The following SNRPN variants were observed in gnomAD, a reference collection of about 807,000 sequenced individuals.
SNRPN encodes the protein small nuclear ribonucleoprotein polypeptide N.
Under a neutral mutation model 25.2 loss-of-function variants are expected in SNRPN, and 7 were observed. The ratio of observed to expected loss-of-function variants is 0.28; its 90% CI spans 0.16 to 0.52. The LOEUF is 0.52. Among genes scored for constraint, SNRPN ranks in the 20% least tolerant of loss-of-function variants. The probability of loss-of-function intolerance (pLI) is 0.96; values close to 1 mark genes in which losing one functional copy is unlikely to be tolerated. For synonymous variants in SNRPN, 124 were observed against 110.6 expected (o/e 1.12, Z -0.76); for missense variants, 196 against 322.5 (o/e 0.61, Z 3.00).
In SNRPN at chr15:24,974,684, G is replaced by T. The variant is rs759273374; in HGVS notation, c.3+228G>T. ...CTCCCAGTCTGGAGTGCAGTGGTGC[G>T]GTCTTGGCTCACTGCAACCCTGGGT... is the stretch of plus-strand genomic sequence containing the variant. On this transcript the variant is annotated intron_variant, in intron 4 of 9. Transcript: ENST00000390687. The T allele has an allele frequency of 3.7e-5, 23 of 617,058 alleles. No individual in the cohort carries two copies. The African/African-American group carries it at 3.9e-4, about 10-fold the overall frequency. 38.2% of individuals were successfully genotyped at this position (617,058 alleles called of 1,614,324 possible).
intron 2 of SNRPN, chr15:24,909,237 G>A (rs1289454718): frequency 2.5e-6 from 4 of 1,571,316 alleles, no homozygotes; most frequent in South Asian, 1.1e-5. Flanking sequence ...ATGTGCTTCC[G>A]GTGTACTTCT....
chr15:24,907,933 A>G (rs746199466), intron 2 of SNRPN, among the ~76,000 whole-genome samples: 10 of 149,996 alleles, frequency 6.7e-5, no homozygotes, highest in Admixed American at 1.3e-4. Context: ...GGCACCTGTA[A>G]TGCCAGCTAC....
At chr15:24,950,902 C>A (rs1450091115), upstream of SNRPN, among the ~76,000 whole-genome samples, 1 of 150,916 alleles carries the variant, frequency 6.6e-6, no homozygotes, top group African/African-American at 2.4e-5. Flanking sequence ...TGCTCTGTCG[C>A]CCAGGCTGGA....
At position 24,966,349 on chromosome 15, in the gene SNRPN, A is replaced by T. The variant is rs565781034; in HGVS notation, c.-294-1583A>T. Among the ~76,000 whole-genome samples the T allele has an allele frequency of 7.9e-5, 12 of 152,268 alleles. No individual in the cohort carries two copies. In the South Asian group the frequency reaches 2.5e-3, roughly 32 times the overall value. ...CAAAATCTGGGCAGGTCCCACACAAATCTTCCCTGTCCTCAGGATGCATTA... is the reference window on the plus strand; with the variant it reads ...CAAAATCTGGGCAGGTCCCACACAATTCTTCCCTGTCCTCAGGATGCATTA... On this transcript the variant is annotated intron_variant, in intron 2 of 9. Transcript: ENST00000390687.
intron 2 of SNRPN, among the ~76,000 whole-genome samples, chr15:24,899,677 C>T (rs2058327134): frequency 6.6e-6 from 1 of 152,180 alleles, no homozygotes; most frequent in Non-Finnish European, 1.5e-5. Flanking sequence ...GTAGTGCTTC[C>T]AATAATATAC....
At chr15:24,906,878 G>T (rs894570025) in intron 2 of SNRPN, among the ~76,000 whole-genome samples, 17 of 152,032 alleles carry the variant, frequency 1.1e-4, no homozygotes, top group African/African-American at 4.1e-4. Context: ...AGTTGATTTT[G>T]CAGGATCTGC....
At chr15:24,838,106 C>G (rs903785020) in intron 2 of SNRPN, among the ~76,000 whole-genome samples, 1 of 151,104 alleles carries the variant, frequency 6.6e-6, no homozygotes, top group Middle Eastern at 3.4e-3. Flanking sequence ...CCAATCTCGG[C>G]TCGCTGCAAG....
chr15:24,852,696 T>G (rs1415556816), upstream of SNRPN, among the ~76,000 whole-genome samples: 1 of 152,192 alleles, frequency 6.6e-6, no homozygotes, highest in Non-Finnish European at 1.5e-5. Context: ...GTGGGCAGAT[T>G]AATTGAATCC....
At chr15:24,916,444 C>G (rs1202841651) in intron 2 of SNRPN, among the ~76,000 whole-genome samples, 1 of 151,934 alleles carries the variant, frequency 6.6e-6, no homozygotes, top group Non-Finnish European at 1.5e-5. Flanking sequence ...GTCCCAGTTA[C>G]TTAGGAGGCT....
chr15:24,969,811 A>AT (rs1343644698), intron 3 of SNRPN, among the ~76,000 whole-genome samples: 2 of 152,206 alleles, frequency 1.3e-5, no homozygotes, highest in Non-Finnish European at 2.9e-5. Context: ...GGTTGGTAAT[A>AT]TATCTGGACC....
At chr15:24,856,079 CTG>C (rs1287602031), upstream of SNRPN, among the ~76,000 whole-genome samples, 10 of 151,856 alleles carry the variant, frequency 6.6e-5, no homozygotes, top group Admixed American at 2.6e-4. Flanking sequence ...GTTTATTTCT[CTG>C]TGAAAATATC....
intron 1 of SNRPN, among the ~76,000 whole-genome samples, chr15:24,864,195 T>A (rs1387789841): frequency 7.7e-6 from 1 of 129,370 alleles, no homozygotes; most frequent in African/African-American, 3.3e-5. Context: ...CCCGGCTAAT[T>A]TTTTTTGTAT....
chr15:24,893,345 C>T (rs969687766), intron 2 of SNRPN, among the ~76,000 whole-genome samples: 6 of 150,802 alleles, frequency 4.0e-5, no homozygotes, highest in Non-Finnish European at 7.4e-5. Context: ...GGCTGGGTGC[C>T]GTGGCTCATG....
At chr15:24,882,625 G>A (rs142281524) in intron 1 of SNRPN, among the ~76,000 whole-genome samples, 9,892 of 151,918 alleles carry the variant, frequency 0.065, 446 homozygotes, top group Non-Finnish European at 0.098. Context: ...AGGAGTTCGA[G>A]ACCAGCCTGA....
At chr15:24,972,363 A>G (rs1451065163) in intron 3 of SNRPN, among the ~76,000 whole-genome samples, 1 of 152,140 alleles carries the variant, frequency 6.6e-6, no homozygotes, top group African/African-American at 2.4e-5. Flanking sequence ...CTTCTAAGTT[A>G]TAGTCCTTAA....
chr15:24,876,650 A>G (rs558743890), intron 1 of SNRPN, among the ~76,000 whole-genome samples: 10 of 151,684 alleles, frequency 6.6e-5, no homozygotes, highest in African/African-American at 2.2e-4. Flanking sequence ...TGTAGTAGGA[A>G]ATGTGCATTA....
At chr15:24,891,260 A>G (rs912632023) in intron 2 of SNRPN, among the ~76,000 whole-genome samples, 35 of 151,948 alleles carry the variant, frequency 2.3e-4, no homozygotes, top group African/African-American at 8.5e-4. Flanking sequence ...TTGTTGCTCT[A>G]TTTACCAAAG....
chr15:24,871,582 G>T (rs2055122757), intron 1 of SNRPN, among the ~76,000 whole-genome samples: 1 of 151,940 alleles, frequency 6.6e-6, no homozygotes, highest in Admixed American at 6.6e-5. Context: ...ATTCTTTGAA[G>T]AAATGTCTAT....
chr15:24,946,779 T>A (rs1006382750), intron 3 of SNRPN, among the ~76,000 whole-genome samples: 1 of 152,368 alleles, frequency 6.6e-6, no homozygotes. Context: ...ACATGGTTTT[T>A]ATTTTTTGTT....
Sources: allele counts gnomAD v4.1 joint callset (sites outside exome capture counted in the v4.1 genomes callset), GRCh38; gene constraint gnomAD v4.1.1; transcripts MANE v1.5; gene names NCBI Gene and HGNC (gene_info 2026-07-23, HGNC 2026-07-21).